The following DHRS4L2 variants were observed in gnomAD, a reference collection of about 807,000 sequenced individuals.
DHRS4L2 encodes the protein dehydrogenase/reductase 4 like 2.
DHRS4L2 carries 22 observed loss-of-function variants against 23.9 expected under a neutral mutation model. The observed-to-expected ratio is 0.92, with a 90% CI of 0.66 to 1.31. The LOEUF is 1.31. Among genes scored for constraint, DHRS4L2 ranks in the 40% most tolerant of loss-of-function variants. DHRS4L2 has a pLI of 0.00. For missense variants in DHRS4L2, 385 were observed against 303.3 expected, an observed-to-expected ratio of 1.27 and a Z score of -2.00; for synonymous variants, 141 against 123.7, an observed-to-expected ratio of 1.14 and a Z score of -0.93.
intron 3 of DHRS4L2, among the ~76,000 whole-genome samples, chr14:23,997,700 C>G (rs2138552124): frequency 6.7e-6 from 1 of 149,482 alleles, no homozygotes. Context: ...GTCCTATCTT[C>G]CAGCTCCGCT....
chr14:24,006,096 C>T lies in DHRS4L2; in HGVS notation c.*233C>T. The T allele has an allele frequency of 3.4e-6, 5 of 1,459,886 alleles. No homozygotes were observed. Among genetic ancestry groups the T allele is most frequent in the Non-Finnish European group, 4.6e-6 (5 of 1,092,750 alleles). 90.4% of individuals were successfully genotyped at this position (1,459,886 alleles called of 1,614,324 possible). On this transcript the variant is annotated 3_prime_UTR_variant, in exon 8 of 8. Transcript: ENST00000335125. ...GCCTTTCCCACCTCTGCTCACCTTA[C>T]TGTTCACCTCATCAAATCAGTTCTG...
intron 1 of DHRS4L2, among the ~76,000 whole-genome samples, chr14:23,982,858 G>T (rs1268797246): frequency 6.6e-6 from 1 of 151,448 alleles, no homozygotes; most frequent in Non-Finnish European, 1.5e-5. Flanking sequence ...TTATTATGTT[G>T]TATTAAATTA....
At chr14:23,986,247 C>G (rs12161886), upstream of DHRS4L2, among the ~76,000 whole-genome samples, 9,248 of 151,244 alleles carry the variant, frequency 0.061, 514 homozygotes, top group East Asian at 0.2. Context: ...CTATCCTTTT[C>G]TGCTCACAGG....
chr14:23,986,855 A>G (rs570223441), upstream of DHRS4L2, among the ~76,000 whole-genome samples: 8 of 151,568 alleles, frequency 5.3e-5, no homozygotes, highest in Admixed American at 2.0e-4. Flanking sequence ...CCCACAGTGC[A>G]TGAGCTCCAA....
upstream of DHRS4L2, among the ~76,000 whole-genome samples, chr14:23,984,282 C>A (rs1054911358): frequency 5.3e-5 from 8 of 151,518 alleles, no homozygotes; most frequent in African/African-American, 1.9e-4. Context: ...AACTTTCTTT[C>A]CCTTTTTAAA....
At position 23,972,917 on chromosome 14, in the gene DHRS4L2, C is replaced by T. The variant is rs536916654; in HGVS notation, c.-176+2585C>T. The stretch of plus-strand genomic sequence containing the variant: ...GCACGTAAGCCAGATTTATGTTTCT[C>T]TCCACCCAAACATGTCGGTGGAGTA... On this transcript the variant is annotated intron_variant, in intron 1 of 5. Transcript: ENST00000534993. Among the ~76,000 whole-genome samples, 6 of 152,130 alleles carry T rather than the reference C, an allele frequency of 3.9e-5. No individual in the cohort carries two copies. In the South Asian group the frequency reaches 1.3e-3, roughly 32 times the overall value.
intron 6 of DHRS4L2, among the ~76,000 whole-genome samples, chr14:24,002,057 T>C (rs1461030154): frequency 6.0e-5 from 6 of 99,544 alleles, no homozygotes; most frequent in Admixed American, 4.0e-4. Context: ...TGTATACATG[T>C]GCCATGCTGG....
chr14:23,981,100 T>A (rs1167360387), intron 1 of DHRS4L2, among the ~76,000 whole-genome samples: 1 of 151,746 alleles, frequency 6.6e-6, no homozygotes, highest in Non-Finnish European at 1.5e-5. Flanking sequence ...ATAAGCAACT[T>A]CAGCAAAGTC....
chr14:23,974,745 A>T (rs574336109), intron 1 of DHRS4L2, among the ~76,000 whole-genome samples: 45 of 151,992 alleles, frequency 3.0e-4, no homozygotes, highest in African/African-American at 1.1e-3. Flanking sequence ...TCTGAAATTG[A>T]GGCAATAATT....
intron 2 of DHRS4L2, among the ~76,000 whole-genome samples, chr14:23,990,594 A>G (rs2034250060): frequency 6.6e-6 from 1 of 151,570 alleles, no homozygotes; most frequent in South Asian, 2.1e-4. Context: ...CTGGTTCTGC[A>G]GTAATTTTCA....
chr14:23,975,353 C>T (rs532946471), intron 1 of DHRS4L2, among the ~76,000 whole-genome samples: 1 of 151,594 alleles, frequency 6.6e-6, no homozygotes, highest in Non-Finnish European at 1.5e-5. Context: ...GAATAAAATA[C>T]CTAGAAATCC....
chr14:23,991,471 C>CA lies in DHRS4L2; in HGVS notation c.306+1114dup, dbSNP rs548427044. On this transcript the variant is annotated intron_variant, in intron 2 of 7. Transcript: ENST00000335125. ...TAATGTGAAAATCCTCCTAGAAAAA[C>CA]AACCTGTGCCCCCCACCAGGTTCAC... 5.1e-4 allele frequency among the ~76,000 whole-genome samples: 77 copies of CA among 151,876 alleles called. 1 individual carries two copies. The highest frequency in any genetic ancestry group is 1.8e-3 in the African/African-American group (76 of 41,476).
upstream of DHRS4L2, among the ~76,000 whole-genome samples, chr14:23,987,839 A>G (rs1594462202): frequency 6.6e-6 from 1 of 151,770 alleles, no homozygotes; most frequent in Non-Finnish European, 1.5e-5. Context: ...CAGTGGGTTA[A>G]ACTAATTCAG....
rs1367321037 is a variant in DHRS4L2, at chr14:24,001,074, G to T, written c.521G>T (p.Ser174Ile). Residue 174 changes from serine to isoleucine, a missense_variant, in exon 5 of 8, where the codon AGT becomes ATT. Physicochemically the swap from Ser to Ile is moderately radical, Grantham distance 142. Transcript: ENST00000335125. ...VVIVSSIAAF[S>I]PSPGFSPYNV... ...ATCGTGTCTTCCATAGCAGCCTTCAGTCCATCTCCTGTAAGAACCCTTTTG... is the reference window on the plus strand; with the variant it reads ...ATCGTGTCTTCCATAGCAGCCTTCATTCCATCTCCTGTAAGAACCCTTTTG... 1.9e-6 allele frequency: 3 copies of T among 1,611,024 alleles called. No homozygotes were observed. Among genetic ancestry groups the T allele is most frequent in the Non-Finnish European group, 2.5e-6 (3 of 1,179,410 alleles).
intron 1 of DHRS4L2, among the ~76,000 whole-genome samples, chr14:23,981,736 G>C (rs2034056764): frequency 2.0e-5 from 3 of 151,658 alleles, no homozygotes; most frequent in Admixed American, 1.3e-4. Flanking sequence ...ATAGTGGGGA[G>C]AAAGTCAGCA....
chr14:23,993,714 T>C (rs1258265719), intron 2 of DHRS4L2, among the ~76,000 whole-genome samples: 1 of 151,704 alleles, frequency 6.6e-6, no homozygotes, highest in African/African-American at 2.4e-5. Context: ...AGTTTCTGCC[T>C]TGAATCTTTC....
Position 23,990,265 on chromosome 14 carries a change from A to G in DHRS4L2, c.212A>G (p.Gln71Arg). Residue 71 changes from glutamine (Q) to arginine (R), a missense_variant, in exon 2 of 8, where the codon CAG (glutamine) becomes CGG (arginine). Transcript: ENST00000335125. ...AGCCGGAAGCAGCAGAATGTGGACC[A>G]GGCGGTGGCCACGCTGCAGGGGGAG... ...VSSRKQQNVD[Q>R]AVATLQGEGL... 1 of 1,612,736 alleles carries G rather than the reference A, an allele frequency of 6.2e-7. No homozygotes were observed.
At chr14:23,985,821 TCTC>T (rs978775380), upstream of DHRS4L2, among the ~76,000 whole-genome samples, 21 of 151,488 alleles carry the variant, frequency 1.4e-4, no homozygotes, top group Non-Finnish European at 2.7e-4. Context: ...TTCAAGCAAT[TCTC>T]CTGCCTCAGC....
In DHRS4L2 at chr14:23,978,353, GAAGA is replaced by G. The variant is rs931750820; in HGVS notation, c.-176+8022_-176+8025del. Among the ~76,000 whole-genome samples the G allele has an allele frequency of 2.4e-4, 35 of 144,170 alleles. 1 individual carries two copies. The highest frequency in any genetic ancestry group is 9.2e-4 in the African/African-American group (34 of 36,854). The allele number at this position is 144,170 out of a possible 152,430, so 94.6% of individuals were successfully genotyped here. ...AATACTGTACAGCTATTTTATAAAA[GAAGA>G]GAGAGAATAAAGTAGGTCTATTATG... On this transcript the variant is annotated intron_variant, in intron 1 of 5. Coordinates refer to the DHRS4L2 transcript ENST00000534993.
Sources: gnomAD v4.1 joint callset for allele counts (sites outside exome capture counted in the v4.1 genomes callset) on GRCh38, gnomAD v4.1.1 for gene constraint, MANE v1.5 for transcripts, NCBI Gene and HGNC (gene_info 2026-07-23, HGNC 2026-07-21) for gene names.